The following FAM107A variants were observed in gnomAD, a reference collection of about 807,000 sequenced individuals.
The protein encoded by FAM107A is actin-associated protein FAM107A.
A neutral mutation model predicts 13.7 loss-of-function variants in FAM107A; 19 were observed. The ratio of observed to expected loss-of-function variants is 1.38; its 90% CI spans 0.97 to 2.03. The LOEUF is 2.03. Among genes scored for constraint, FAM107A ranks in the 30% most tolerant of loss-of-function variants. The probability of loss-of-function intolerance (pLI) is 0.00; values close to 1 mark genes in which losing one functional copy is unlikely to be tolerated. For synonymous variants in FAM107A, 82 were observed against 74.5 expected, an observed-to-expected ratio of 1.10 and a Z score of -0.52; for missense variants, 203 against 184.4, an observed-to-expected ratio of 1.10 and a Z score of -0.58.
chr3:58,577,710 A>G (rs1268967645), upstream of FAM107A: 3 of 985,290 alleles, frequency 3.0e-6, no homozygotes, highest in Admixed American at 6.1e-5. This position sits in a 1 kb window ranked among gnomAD's most constrained non-coding sequence, Gnocchi z 4.9. Context: ...AGGGTCAGGC[A>G]AGAGTGGATT....
rs1452854652 is a variant in FAM107A at position 58,565,401 on chromosome 3, T to G, written c.*1187A>C. 6.6e-6 allele frequency: 1 copy of G among 151,146 alleles called. No individual in the cohort carries two copies. The highest frequency in any genetic ancestry group is 1.5e-5 in the Non-Finnish European group (1 of 67,892). 9.4% of individuals were successfully genotyped at this position (151,146 alleles called of 1,614,324 possible). On this transcript the variant is annotated 3_prime_UTR_variant, in exon 4 of 4. Coordinates refer to ENST00000360997, the MANE Select transcript of FAM107A (RefSeq NM_001076778.3). ...CTACTGAAAATCATTGTATATTTGCTTTCCATAAGACTAGGAAAAAGTAAA... is the reference window on the plus strand; with the variant it reads ...CTACTGAAAATCATTGTATATTTGCGTTCCATAAGACTAGGAAAAAGTAAA...
exon 1 of FAM107A, chr3:58,586,985 C>A: frequency 6.7e-7 from 1 of 1,493,624 alleles, no homozygotes; most frequent in African/African-American, 1.4e-5. Context: ...CCCGCGAGCG[C>A]ACAGCAGGAG....
upstream of FAM107A, among the ~76,000 whole-genome samples, chr3:58,579,756 A>G (rs1021012693): frequency 6.6e-6 from 1 of 152,140 alleles, no homozygotes; most frequent in Admixed American, 6.5e-5. Flanking sequence ...CACCTGGTAC[A>G]CTTCAGAGGA....
At position 58,567,201 on chromosome 3, in the gene FAM107A, C is replaced by T. The variant is rs1416058983; in HGVS notation, c.327+7G>A. On this transcript the variant is annotated splice_region_variant and intron_variant, in intron 3 of 3. Coordinates refer to ENST00000360997, the MANE Select transcript of FAM107A (RefSeq NM_001076778.3). ...TGCGTGGTCCCTGCTGGGTGCCCAT[C>T]ACCCACCTGGTTCAGCCTCTGCTGC... The T allele has an allele frequency of 1.2e-6, 2 of 1,614,076 alleles. No homozygotes were observed. The highest frequency in any genetic ancestry group is 8.5e-7 in the Non-Finnish European group (1 of 1,180,038).
rs1575447259 is a variant in FAM107A at position 58,587,014 on chromosome 3, C to A, written c.-78G>T. 23 of 1,399,884 alleles carry A rather than the reference C, an allele frequency of 1.6e-5. No individual in the cohort carries two copies. In the East Asian group the frequency reaches 3.3e-4, roughly 20 times the overall value. The allele number at this position is 1,399,884 out of a possible 1,614,324, so 86.7% of individuals were successfully genotyped here. A position where few individuals can be genotyped will look rare whatever the true frequency, so the allele number is the denominator to read the frequency against. ...GCAGGAGCGTAGTCCGGAGCCGAAG[C>A]GCCTCCGCGACGGTGACGCGGCCCC... On this transcript the variant is annotated 5_prime_UTR_variant, in exon 1 of 4. Coordinates refer to the FAM107A transcript ENST00000447756.
rs543479817 is a variant in FAM107A, at chr3:58,616,102, G to T, written c.-70+11314C>A. Among the ~76,000 whole-genome samples, 6 of 152,184 alleles carry T rather than the reference G, an allele frequency of 3.9e-5. No homozygotes were observed. In the East Asian group the frequency reaches 1.2e-3, roughly 29 times the overall value. ...GGAGCCCAGAGCACGATCAGCCAGG[G>T]CCTGTGGTGTTCCTTGTAACAGCTC... On this transcript the variant is annotated intron_variant, in intron 1 of 3. Coordinates refer to the FAM107A transcript ENST00000465970.
chr3:58,596,503 C>T (rs1384093456), intron 1 of FAM107A, among the ~76,000 whole-genome samples: 1 of 152,104 alleles, frequency 6.6e-6, no homozygotes, highest in Non-Finnish European at 1.5e-5. Context: ...CATGAAGAAA[C>T]CCTGTTTCTA....
At chr3:58,568,479 T>G (rs2063646790) in intron 2 of FAM107A, among the ~76,000 whole-genome samples, 1 of 151,922 alleles carries the variant, frequency 6.6e-6, no homozygotes, top group South Asian at 2.1e-4. Flanking sequence ...AGATCTGAAT[T>G]TTTTTTTGTA....
At chr3:58,612,575 G>C (rs1478132061) in intron 1 of FAM107A, among the ~76,000 whole-genome samples, 1 of 149,408 alleles carries the variant, frequency 6.7e-6, no homozygotes, top group Admixed American at 6.6e-5. Flanking sequence ...GAGAGAGAGA[G>C]ACCCTGAAAA....
chr3:58,584,691 G>T (rs1355703280), intron 1 of FAM107A, among the ~76,000 whole-genome samples: 3 of 152,174 alleles, frequency 2.0e-5, no homozygotes, highest in Non-Finnish European at 4.4e-5. Context: ...AAATCAAATG[G>T]AGACACTTCG....
chr3:58,618,876 C>G (rs1221901333), intron 1 of FAM107A, among the ~76,000 whole-genome samples: 1 of 152,166 alleles, frequency 6.6e-6, no homozygotes. Context: ...TGTTTTGCCT[C>G]TTGTGTCTTT....
At chr3:58,583,686 T>A (rs2065572455) in intron 1 of FAM107A, among the ~76,000 whole-genome samples, 1 of 151,062 alleles carries the variant, frequency 6.6e-6, no homozygotes, top group South Asian at 2.1e-4. Context: ...TTTCTTTTCT[T>A]TTTTTTTGGG....
chr3:58,576,450 T>C (rs1014325628), intron 1 of FAM107A, among the ~76,000 whole-genome samples: 3 of 152,216 alleles, frequency 2.0e-5, no homozygotes, highest in African/African-American at 4.8e-5. Context: ...AGTGGCATGA[T>C]GTCAGCCACT....
upstream of FAM107A, among the ~76,000 whole-genome samples, chr3:58,580,587 T>A (rs1266986167): frequency 6.6e-6 from 1 of 151,926 alleles, no homozygotes; most frequent in African/African-American, 2.4e-5. Context: ...GCTAATTTTT[T>A]ATTTTTTTTA....
At chr3:58,598,305 C>T (rs1201129878) in intron 1 of FAM107A, among the ~76,000 whole-genome samples, 1 of 152,196 alleles carries the variant, frequency 6.6e-6, no homozygotes, top group Non-Finnish European at 1.5e-5. Flanking sequence ...TTGCAGGGGT[C>T]CACTTACATC....
At chr3:58,626,261 T>C (rs1239767115) in intron 1 of FAM107A, among the ~76,000 whole-genome samples, 1 of 152,076 alleles carries the variant, frequency 6.6e-6, no homozygotes, top group African/African-American at 2.4e-5. Context: ...AAGTGACTGT[T>C]TCACAAGCTC....
At position 58,565,502 on chromosome 3, in the gene FAM107A, A is replaced by C. The variant is rs2063611672; in HGVS notation, c.*1086T>G. 6.8e-6 allele frequency: 1 copy of C among 147,618 alleles called. No homozygotes were observed. The highest frequency in any genetic ancestry group is 2.5e-5 in the African/African-American group (1 of 39,566). 9.1% of individuals were successfully genotyped at this position (147,618 alleles called of 1,614,324 possible). The stretch of plus-strand genomic sequence containing the variant: ...TAACAGTGTGGTCACACTGGTAAGA[A>C]ATGCAGATTGGCAATCATGTACATC... On this transcript the variant is annotated 3_prime_UTR_variant, in exon 4 of 4. Transcript: ENST00000360997.
chr3:58,609,028 T>A (rs2306669), intron 1 of FAM107A: 40,262 of 151,632 alleles, frequency 0.27, 6,070 homozygotes, highest in East Asian at 0.6. Context: ...TTCTCAGGAG[T>A]TGGGGGAGCT....
At chr3:58,570,625 G>GAGAGAGAGAGAA (rs1559474892) in intron 1 of FAM107A, among the ~76,000 whole-genome samples, 1 of 125,386 alleles carries the variant, frequency 8.0e-6, no homozygotes, top group Non-Finnish European at 1.7e-5. Flanking sequence ...GAGAGAGAGA[G>GAGAGAGAGAGAA]AGAGAGAGAG....
Sources: allele counts gnomAD v4.1 joint callset (sites outside exome capture counted in the v4.1 genomes callset), GRCh38; gene constraint gnomAD v4.1.1; non-coding constraint Gnocchi (gnomAD v3.1); transcripts MANE v1.5; gene names NCBI Gene and HGNC (gene_info 2026-07-23, HGNC 2026-07-21).